The following AGBL4 variants were observed in gnomAD, a reference collection of about 807,000 sequenced individuals.
AGBL4 encodes the protein AGBL carboxypeptidase 4, also known as cytosolic carboxypeptidase 6.
Under a neutral mutation model 66.4 loss-of-function variants are expected in AGBL4, and 58 were observed. That is an observed-to-expected ratio of 0.87 (90% CI 0.71 to 1.09). AGBL4 has a LOEUF of 1.09. AGBL4 is among the 50% of genes least tolerant of loss of function. AGBL4 has a pLI of 0.00. For missense variants in AGBL4, 579 were observed against 631.0 expected, an observed-to-expected ratio of 0.92 and a Z score of 0.88; for synonymous variants, 234 against 222.9, an observed-to-expected ratio of 1.05 and a Z score of -0.44.
At chr1:49,011,707 AG>A (rs1196581900) in intron 5 of AGBL4, among the ~76,000 whole-genome samples, 1 of 152,194 alleles carries the variant, frequency 6.6e-6, no homozygotes. Context: ...AGCCATAAAA[AG>A]TGATGAGTTC....
intron 4 of AGBL4, among the ~76,000 whole-genome samples, chr1:49,196,277 C>T (rs1172665729): frequency 6.6e-6 from 1 of 152,060 alleles, no homozygotes; most frequent in Non-Finnish European, 1.5e-5. Flanking sequence ...AACCTGTCTT[C>T]AAGTTGAGAG....
chr1:49,766,501 C>CCCTAACAAT (rs1652742170), intron 2 of AGBL4, among the ~76,000 whole-genome samples: 1 of 151,848 alleles, frequency 6.6e-6, no homozygotes, highest in African/African-American at 2.4e-5. Context: ...TAGCTAACAA[C>CCCTAACAAT]CCCTATAAAG....
intron 11 of AGBL4, among the ~76,000 whole-genome samples, chr1:48,557,812 T>A (rs1288493808): frequency 6.6e-6 from 1 of 152,154 alleles, no homozygotes; most frequent in East Asian, 1.9e-4. Context: ...ACCTTTTGCC[T>A]GGAGAGAACA....
intron 6 of AGBL4, among the ~76,000 whole-genome samples, chr1:48,863,956 AT>A (rs1558048913): frequency 6.6e-6 from 1 of 152,126 alleles, no homozygotes; most frequent in South Asian, 2.1e-4. Context: ...ACATAAAAAA[AT>A]TTTTTAAAAC....
At chr1:48,762,614 T>TGTG (rs1644323705) in intron 6 of AGBL4, among the ~76,000 whole-genome samples, 6 of 75,184 alleles carry the variant, frequency 8.0e-5, no homozygotes, top group African/African-American at 2.0e-4. Context: ...TTTAAGGGTT[T>TGTG]TGTGTGTGTG....
chr1:49,795,909 G>C (rs1045695356), intron 2 of AGBL4, among the ~76,000 whole-genome samples: 2 of 151,796 alleles, frequency 1.3e-5, no homozygotes, highest in African/African-American at 4.8e-5. Context: ...AAAGCAGTGA[G>C]AGAAAAGATA....
At chr1:49,555,796 C>G (rs982755520) in intron 3 of AGBL4, among the ~76,000 whole-genome samples, 1 of 151,982 alleles carries the variant, frequency 6.6e-6, no homozygotes, top group Non-Finnish European at 1.5e-5. Flanking sequence ...CATCACTGGC[C>G]ATCACAGAAA....
At chr1:49,576,237 G>C (rs938710475) in intron 3 of AGBL4, among the ~76,000 whole-genome samples, 2 of 152,178 alleles carry the variant, frequency 1.3e-5, no homozygotes, top group African/African-American at 4.8e-5. Context: ...CCCATTTATT[G>C]AGTAACAGAA....
chr1:49,261,694 T>C (rs1415441173), intron 3 of AGBL4, among the ~76,000 whole-genome samples: 23 of 151,592 alleles, frequency 1.5e-4, no homozygotes, highest in Admixed American at 1.5e-3. Context: ...TCCATGCTCA[T>C]GGGTAGGAAG....
chr1:48,563,605 G>C (rs1644429963), intron 11 of AGBL4, among the ~76,000 whole-genome samples: 1 of 150,582 alleles, frequency 6.6e-6, no homozygotes, highest in African/African-American at 2.5e-5. Flanking sequence ...GAAAGTGACA[G>C]AGAGAGAGAA....
chr1:49,652,012 T>C (rs1558133453), intron 3 of AGBL4, among the ~76,000 whole-genome samples: 1 of 152,080 alleles, frequency 6.6e-6, no homozygotes, highest in Non-Finnish European at 1.5e-5. Context: ...AAAAAGAATT[T>C]CTGGAAATGA....
intron 4 of AGBL4, among the ~76,000 whole-genome samples, chr1:49,148,273 T>C (rs1015781816): frequency 3.6e-4 from 55 of 152,160 alleles, no homozygotes; most frequent in Non-Finnish European, 2.8e-4. Context: ...AGCATGTCAC[T>C]GGGTTTCCAG....
chr1:49,780,990 A>T (rs1347046686), intron 2 of AGBL4, among the ~76,000 whole-genome samples: 1 of 152,184 alleles, frequency 6.6e-6, no homozygotes, highest in Non-Finnish European at 1.5e-5. Flanking sequence ...CTCCCTTCAG[A>T]TTCAAAGATA....
At chr1:48,816,413 C>A (rs933051000) in intron 6 of AGBL4, among the ~76,000 whole-genome samples, 1 of 152,100 alleles carries the variant, frequency 6.6e-6, no homozygotes, top group African/African-American at 2.4e-5. Flanking sequence ...TCAAACAGAA[C>A]TGTGGTGGGG....
chr1:49,649,854 C>T (rs1400388051), intron 3 of AGBL4, among the ~76,000 whole-genome samples: 1 of 151,878 alleles, frequency 6.6e-6, no homozygotes, highest in Non-Finnish European at 1.5e-5. Flanking sequence ...CAGAAAATCC[C>T]CAAATACTTG....
In AGBL4 at chr1:49,404,303, A is replaced by T. The variant is rs1645149964; in HGVS notation, c.283-158439T>A. Among the ~76,000 whole-genome samples, 3 of 152,240 alleles carry T rather than the reference A, an allele frequency of 2.0e-5. No homozygotes were observed. The South Asian group carries it at 6.2e-4, about 31-fold the overall frequency. ...TCTCTCTGAGAACACACACACAGGA[A>T]AGACCACATGAGAACATAGGAAGAA... is the stretch of plus-strand genomic sequence containing the variant. On this transcript the variant is annotated intron_variant, in intron 3 of 13. Coordinates refer to ENST00000371839, the MANE Select transcript of AGBL4 (RefSeq NM_032785.4).
intron 1 of AGBL4, among the ~76,000 whole-genome samples, chr1:50,020,620 A>C (rs1662373705): frequency 6.6e-6 from 1 of 152,204 alleles, no homozygotes; most frequent in South Asian, 2.1e-4. Context: ...TTGTAATACA[A>C]ACACAAAGCC....
Position 49,010,767 on chromosome 1 carries a change from T to C in AGBL4, c.594+34817A>G, listed in dbSNP as rs1315674710. On this transcript the variant is annotated intron_variant, in intron 5 of 13. Transcript: ENST00000371839. ...TGATCTTTGACAAACCTGAGAAAAA[T>C]AAGCAATGGGGAAAGGATTCCCTAT... Among the ~76,000 whole-genome samples the C allele has an allele frequency of 7.5e-3, 1,125 of 149,738 alleles. 15 individuals are homozygous for C. Among genetic ancestry groups the C allele is most frequent in the African/African-American group, 0.027 (1,058 of 39,606 alleles).
intron 6 of AGBL4, among the ~76,000 whole-genome samples, chr1:48,840,799 G>C (rs1193732565): frequency 6.6e-6 from 1 of 152,190 alleles, no homozygotes; most frequent in Non-Finnish European, 1.5e-5. Flanking sequence ...ACAAAAACCT[G>C]TAAAAGAATG....
Sources: allele counts gnomAD v4.1 joint callset (sites outside exome capture counted in the v4.1 genomes callset), GRCh38; gene constraint gnomAD v4.1.1; transcripts MANE v1.5; gene names NCBI Gene and HGNC (gene_info 2026-07-23, HGNC 2026-07-21).